Variants in ASIC2 observed in about 807,000 individuals in gnomAD.
ASIC2 encodes the protein acid sensing ion channel subunit 2.
A neutral mutation model predicts 57.3 loss-of-function variants in ASIC2; 25 were observed. The observed-to-expected ratio is 0.44, with a 90% confidence interval of 0.32 to 0.61. The LOEUF (loss-of-function observed/expected upper bound fraction) is 0.61, where lower values mean the gene tolerates loss of function less well. ASIC2 is among the 20% of genes least tolerant of loss of function. The pLI, the probability that ASIC2 is intolerant of heterozygous loss-of-function variation, is 0.06. For synonymous variants in ASIC2, 319 were observed against 307.5 expected, an observed-to-expected ratio of 1.04 and a Z score of -0.39; for missense variants, 641 against 738.1, an observed-to-expected ratio of 0.87 and a Z score of 1.52.
intron 1 of ASIC2, among the ~76,000 whole-genome samples, chr17:33,151,376 GA>G (rs373077574): frequency 4.0e-4 from 57 of 141,466 alleles, no homozygotes; most frequent in East Asian, 6.1e-4. Flanking sequence ...TTTGTCTCAA[GA>G]AAAAAAAAAA....
intron 3 of ASIC2, among the ~76,000 whole-genome samples, chr17:33,034,088 A>G (rs796326852): frequency 1.3e-5 from 2 of 151,928 alleles, no homozygotes; most frequent in African/African-American, 2.4e-5. Context: ...CGCTGCTGAG[A>G]GCTGAGCACT....
At chr17:33,514,081 G>A (rs191032523) in intron 1 of ASIC2, among the ~76,000 whole-genome samples, 97 of 152,350 alleles carry the variant, frequency 6.4e-4, no homozygotes, top group African/African-American at 1.9e-3. Flanking sequence ...GGCAGGGATG[G>A]AAGACAATTC....
chr17:34,104,762 CATTG>C (rs933035747), intron 1 of ASIC2, among the ~76,000 whole-genome samples: 33 of 152,076 alleles, frequency 2.2e-4, no homozygotes, highest in African/African-American at 5.3e-4. Flanking sequence ...AACCAGATTA[CATTG>C]ATTAATTTTT....
chr17:33,522,571 C>T (rs1914774554), intron 1 of ASIC2, among the ~76,000 whole-genome samples: 4 of 152,186 alleles, frequency 2.6e-5, no homozygotes, highest in South Asian at 4.1e-4. Context: ...CAGTAATTCC[C>T]GTCTCCCAGA....
chr17:34,131,511 T>C (rs1433469147), intron 1 of ASIC2, among the ~76,000 whole-genome samples: 1 of 152,058 alleles, frequency 6.6e-6, no homozygotes, highest in South Asian at 2.1e-4. Flanking sequence ...CCACAGAGGC[T>C]CCAGGGCTGA....
intron 1 of ASIC2, among the ~76,000 whole-genome samples, chr17:33,452,738 G>GGTGTGTGTGT (rs35126239): frequency 0.026 from 3,627 of 140,448 alleles, 63 homozygotes; most frequent in African/African-American, 0.04. Context: ...AACAGAGTGG[G>GGTGTGTGTGT]GTGTGTGTGT....
chr17:33,916,791 G>T (rs1915594533), intron 1 of ASIC2, among the ~76,000 whole-genome samples: 1 of 152,174 alleles, frequency 6.6e-6, no homozygotes, highest in Non-Finnish European at 1.5e-5. Context: ...AAGAGGGGAA[G>T]GATCAAAACC....
chr17:33,679,833 G>GAA (rs202172641), intron 1 of ASIC2, among the ~76,000 whole-genome samples: 22 of 151,760 alleles, frequency 1.4e-4, no homozygotes, highest in African/African-American at 5.3e-4. Context: ...GAAGGTCACG[G>GAA]AAAAAAAACA....
intron 1 of ASIC2, among the ~76,000 whole-genome samples, chr17:33,979,308 A>T (rs317332): frequency 2.0e-5 from 3 of 152,166 alleles, no homozygotes; most frequent in Admixed American, 2.0e-4. Flanking sequence ...CTGCTGCTCC[A>T]TGCCTACCAC....
intron 1 of ASIC2, among the ~76,000 whole-genome samples, chr17:33,497,268 G>A (rs1175503943): frequency 6.6e-6 from 1 of 152,210 alleles, no homozygotes; most frequent in Non-Finnish European, 1.5e-5. Flanking sequence ...TCTAGGTCAC[G>A]AATCCAAGAA....
At chr17:33,686,367 G>A (rs1908191799) in intron 1 of ASIC2, among the ~76,000 whole-genome samples, 1 of 152,186 alleles carries the variant, frequency 6.6e-6, no homozygotes, top group Non-Finnish European at 1.5e-5. Context: ...TGCGGGTGAG[G>A]GTGTAAGGGC....
intron 1 of ASIC2, among the ~76,000 whole-genome samples, chr17:33,842,902 A>T (rs1263567359): frequency 1.3e-5 from 2 of 152,154 alleles, no homozygotes; most frequent in African/African-American, 4.8e-5. Flanking sequence ...GAGAGCCAGG[A>T]TGGATGAGTG....
At chr17:33,579,409 G>C (rs938340570) in intron 1 of ASIC2, among the ~76,000 whole-genome samples, 2 of 152,008 alleles carry the variant, frequency 1.3e-5, no homozygotes, top group Admixed American at 6.6e-5. Context: ...TGGAGGGGAA[G>C]GTAGAAAACA....
At chr17:33,070,284 T>G (rs2141948945) in intron 3 of ASIC2, among the ~76,000 whole-genome samples, 1 of 152,172 alleles carries the variant, frequency 6.6e-6, no homozygotes, top group East Asian at 1.9e-4. Context: ...ACAAGGAAAA[T>G]ATATTTACCA....
At chr17:34,147,581 C>T (rs1394602931) in intron 1 of ASIC2, among the ~76,000 whole-genome samples, 1 of 152,122 alleles carries the variant, frequency 6.6e-6, no homozygotes, top group Non-Finnish European at 1.5e-5. Flanking sequence ...GAGACAGCTG[C>T]TATCCAGCAA....
At chr17:33,810,972 C>T (rs952900490) in intron 1 of ASIC2, among the ~76,000 whole-genome samples, 1 of 152,124 alleles carries the variant, frequency 6.6e-6, no homozygotes, top group African/African-American at 2.4e-5. Flanking sequence ...ACTCTCCTAT[C>T]CTGGCCTCAG....
chr17:33,622,730 C>T (rs1247979352), intron 1 of ASIC2, among the ~76,000 whole-genome samples: 2 of 152,196 alleles, frequency 1.3e-5, no homozygotes, highest in African/African-American at 2.4e-5. Context: ...TAATCAGGGC[C>T]TGGCAAATAG....
At chr17:34,088,736 C>T (rs1311012679) in intron 1 of ASIC2, among the ~76,000 whole-genome samples, 1 of 152,228 alleles carries the variant, frequency 6.6e-6, no homozygotes, top group Non-Finnish European at 1.5e-5. Flanking sequence ...CAAGCCTGGG[C>T]AATGGCGGGC....
rs1268540650 is a variant in ASIC2 at position 34,065,820 on chromosome 17, AAAG to A, written c.555+90155_555+90157del. ...GAGTAATCAAAAGGGAGAATTATAA[AAAG>A]AATTGCTTGGTTTGACTCTGAAAGG... On this transcript the variant is annotated intron_variant, in intron 1 of 9. Coordinates refer to the ASIC2 transcript ENST00000359872. Among the ~76,000 whole-genome samples the A allele has an allele frequency of 5.3e-5, 8 of 152,344 alleles. No individual in the cohort carries two copies. In the South Asian group the frequency reaches 1.7e-3, roughly 32 times the overall value.
Sources: gnomAD v4.1 joint callset for allele counts (sites outside exome capture counted in the v4.1 genomes callset) on GRCh38, gnomAD v4.1.1 for gene constraint, MANE v1.5 for transcripts, NCBI Gene and HGNC (gene_info 2026-07-23, HGNC 2026-07-21) for gene names.